Variants in LRRC17 observed in about 807,000 individuals in gnomAD.
The protein encoded by LRRC17 is leucine rich repeat containing 17.
LRRC17 carries 33 observed loss-of-function variants against 41.5 expected under a neutral mutation model. The ratio of observed to expected loss-of-function variants is 0.80; its 90% confidence interval spans 0.60 to 1.06. The LOEUF is 1.06. Ranked by LOEUF, LRRC17 falls within the 50% of genes least tolerant of loss-of-function variation. LRRC17 has a pLI of 0.00. For missense variants in LRRC17, 491 were observed against 519.3 expected, an observed-to-expected ratio of 0.95 and a Z score of 0.53; for synonymous variants, 192 against 197.0, an observed-to-expected ratio of 0.97 and a Z score of 0.21.
intron 3 of LRRC17, among the ~76,000 whole-genome samples, chr7:102,943,859 C>T (rs551370969): frequency 3.3e-5 from 5 of 152,296 alleles, no homozygotes; most frequent in Admixed American, 3.3e-4. Flanking sequence ...TTTCTGTCTT[C>T]ATGACAGGAG....
At chr7:102,921,571 T>C (rs1817036421) in intron 1 of LRRC17, among the ~76,000 whole-genome samples, 1 of 151,838 alleles carries the variant, frequency 6.6e-6, no homozygotes, top group Non-Finnish European at 1.5e-5. Flanking sequence ...TCCCAGCTAC[T>C]TGGGAGGCTG....
Position 102,934,233 on chromosome 7 carries a change from T to A in LRRC17, c.320T>A (p.Leu107Gln). 6.2e-7 allele frequency: 1 copy of A among 1,614,110 alleles called. No individual in the cohort carries two copies. Among genetic ancestry groups the A allele is most frequent in the Non-Finnish European group, 8.5e-7 (1 of 1,180,040 alleles). The change falls in exon 2 of 4, where the codon CTG becomes CAG. Residue 107 changes from leucine (L) to glutamine (Q), a missense_variant. Coordinates refer to ENST00000339431, the MANE Select transcript of LRRC17 (RefSeq NM_001031692.3). ...AACATGTTTTCCAAGTTTAAAAAGC[T>A]GAAAAGCCTGGATCTGCAGCAGAAT... ...KNNMFSKFKK[L>Q]KSLDLQQNEI...
chr7:102,934,353 A>C lies in LRRC17; in HGVS notation c.440A>C (p.Glu147Ala). Reference protein sequence around the residue: ...QHNQIKVLTEEVFIYTPLLSY... With the variant: ...QHNQIKVLTEAVFIYTPLLSY... ...AACCAGATCAAAGTCTTGACGGAGG[A>C]AGTGTTCATTTACACACCTCTCTTG... Residue 147 changes from glutamate to alanine, a missense_variant, in exon 2 of 4, where the codon GAA (glutamate) becomes GCA (alanine). Transcript: ENST00000339431. The C allele has an allele frequency of 6.2e-7, 1 of 1,614,106 alleles. No homozygotes were observed. Among genetic ancestry groups the C allele is most frequent in the Non-Finnish European group, 8.5e-7 (1 of 1,179,998 alleles).
rs755652219 is a variant in LRRC17 at position 102,934,578 on chromosome 7, C to T, written c.665C>T (p.Pro222Leu). The T allele has an allele frequency of 3.2e-5, 52 of 1,613,840 alleles. No homozygotes were observed. The South Asian group carries it at 4.1e-4, about 13-fold the overall frequency. Reference protein sequence around the residue: ...CNEEEKEQLDPKPQVSGRPPV... With the variant: ...CNEEEKEQLDLKPQVSGRPPV... Reference sequence around the variant, plus strand: ...GAAGAAGAAAAGGAACAATTGGACCCGAAACCCCAAGTGTCAGGGAGACCC... The same window carrying T: ...GAAGAAGAAAAGGAACAATTGGACCTGAAACCCCAAGTGTCAGGGAGACCC... The change falls in exon 2 of 4, where the codon CCG becomes CTG. Residue 222 changes from proline to leucine, a missense_variant. Coordinates refer to ENST00000339431, the MANE Select transcript of LRRC17 (RefSeq NM_001031692.3).
At chr7:102,920,370 C>CA (rs1816741135) in intron 1 of LRRC17, among the ~76,000 whole-genome samples, 1 of 151,032 alleles carries the variant, frequency 6.6e-6, no homozygotes, top group South Asian at 2.1e-4. Context: ...ACCATACACT[C>CA]AGTTTTTTTT....
intron 1 of LRRC17, among the ~76,000 whole-genome samples, chr7:102,929,064 T>C (rs1818650210): frequency 6.6e-6 from 1 of 152,210 alleles, no homozygotes; most frequent in Non-Finnish European, 1.5e-5. Flanking sequence ...CTTTATGTTC[T>C]GCTGGACAGG....
At chr7:102,919,313 C>T (rs2129470077) in intron 1 of LRRC17, among the ~76,000 whole-genome samples, 1 of 152,052 alleles carries the variant, frequency 6.6e-6, no homozygotes, top group Middle Eastern at 3.4e-3. Flanking sequence ...AATGAAAAGG[C>T]ATATAGAAAT....
chr7:102,942,416 T>C, intron 3 of LRRC17: 1 of 1,328,046 alleles, frequency 7.5e-7, no homozygotes. Context: ...ATGCCAGACA[T>C]TGTTGTGGAA....
At chr7:102,932,070 G>T in intron 1 of LRRC17, 2 of 705,494 alleles carry the variant, frequency 2.8e-6, no homozygotes, top group Non-Finnish European at 4.4e-6. Context: ...CTAAGTATAT[G>T]GTTTCTTTCC....
chr7:102,926,202 G>C (rs1271051302), intron 1 of LRRC17: 2 of 1,304,592 alleles, frequency 1.5e-6, no homozygotes, highest in Non-Finnish European at 2.1e-6. Flanking sequence ...TGCCCTTGCA[G>C]AATGCTAGAG....
At chr7:102,916,015 ACT>A (rs950613213) in intron 1 of LRRC17, among the ~76,000 whole-genome samples, 1 of 150,050 alleles carries the variant, frequency 6.7e-6, no homozygotes. Context: ...ACGGAGTCTC[ACT>A]CTGTTACCCA....
At chr7:102,913,345 A>C in intron 1 of LRRC17, 200 bp downstream of exon 1, 1 of 1,084,394 alleles carries the variant, frequency 9.2e-7, no homozygotes, top group East Asian at 2.6e-5. Context: ...ATTTAACTTT[A>C]CTGTTAACTC....
chr7:102,913,730 T>TAAG (rs1286871284), intron 1 of LRRC17, among the ~76,000 whole-genome samples: 1 of 152,232 alleles, frequency 6.6e-6, no homozygotes, highest in East Asian at 1.9e-4. Flanking sequence ...ATAGATCTGA[T>TAAG]AAGCAAATGA....
At chr7:102,914,018 G>A (rs146454919) in intron 1 of LRRC17, among the ~76,000 whole-genome samples, 22 of 152,264 alleles carry the variant, frequency 1.4e-4, no homozygotes, top group African/African-American at 4.6e-4. Context: ...ACGAGGGCTC[G>A]CAGTTTGAGG....
At chr7:102,930,694 A>G (rs1047711647) in intron 1 of LRRC17, among the ~76,000 whole-genome samples, 3 of 152,198 alleles carry the variant, frequency 2.0e-5, no homozygotes, top group Non-Finnish European at 4.4e-5. Flanking sequence ...CCTTCTGAAT[A>G]TCCTCTGTTC....
At position 102,926,286 on chromosome 7, in the gene LRRC17, C is replaced by T. The variant is rs533885154; in HGVS notation, c.-140-7488C>T. On this transcript the variant is annotated intron_variant, in intron 1 of 3. Coordinates refer to ENST00000339431, the MANE Select transcript of LRRC17 (RefSeq NM_001031692.3). ...ACACAAACATTACCTCGGCAGGAGT[C>T]GCATCGTCCTGTTGGTGATAGTTGT... 49 of 1,613,304 alleles carry T rather than the reference C, an allele frequency of 3.0e-5. No homozygotes were observed. The highest frequency in any genetic ancestry group is 1.5e-4 in the Admixed American group (9 of 59,904).
At chr7:102,940,476 C>T (rs564022550) in intron 3 of LRRC17, among the ~76,000 whole-genome samples, 7 of 152,246 alleles carry the variant, frequency 4.6e-5, no homozygotes, top group African/African-American at 1.7e-4. Context: ...TCCCAAAGTG[C>T]TGGGATTACA....
intron 2 of LRRC17, among the ~76,000 whole-genome samples, chr7:102,938,800 G>C (rs566305585): frequency 6.6e-6 from 1 of 152,192 alleles, no homozygotes; most frequent in Non-Finnish European, 1.5e-5. Context: ...CACAGCAAAT[G>C]AGATTTTCCT....
In LRRC17 at chr7:102,944,413, T is replaced by A; in HGVS notation, c.1132T>A (p.Cys378Ser). Residue 378 changes from cysteine to serine, a missense_variant, in exon 4 of 4, where the codon TGC (cysteine) becomes AGC (serine). By Grantham distance (112) the Cys-to-Ser change is moderately radical. Transcript: ENST00000339431. ...CAATGTCCATTTTAATGGCCTGGAA[T>A]GCAAAACGCCTGAAGAATACAAAGG... ...HYNVHFNGLE[C>S]KTPEEYKGWS... The A allele has an allele frequency of 6.2e-7, 1 of 1,614,024 alleles. No homozygotes were observed. The highest frequency in any genetic ancestry group is 8.5e-7 in the Non-Finnish European group (1 of 1,179,932).
Sources: allele counts gnomAD v4.1 joint callset (sites outside exome capture counted in the v4.1 genomes callset), GRCh38; gene constraint gnomAD v4.1.1; transcripts MANE v1.5; gene names NCBI Gene and HGNC (gene_info 2026-07-23, HGNC 2026-07-21).